Variants in USP28 observed in about 807,000 individuals in gnomAD.
USP28 encodes ubiquitin specific peptidase 28.
In USP28, 113 loss-of-function variants were observed where a neutral mutation model predicts 145.0. The ratio of observed to expected loss-of-function variants is 0.78; its 90% CI spans 0.67 to 0.91. The LOEUF (loss-of-function observed/expected upper bound fraction) is 0.91, where lower values mean the gene tolerates loss of function less well. Ranked by LOEUF, USP28 falls within the 40% of genes least tolerant of loss-of-function variation. USP28 has a pLI of 0.00. For missense variants in USP28, 1,201 were observed against 1,289.6 expected, an observed-to-expected ratio of 0.93 and a Z score of 1.05; for synonymous variants, 447 against 450.9, an observed-to-expected ratio of 0.99 and a Z score of 0.11.
At chr11:113,801,484 T>C in exon 24 of USP28, 1 of 1,574,062 alleles carries the variant, frequency 6.4e-7, no homozygotes, top group Non-Finnish European at 8.7e-7. Context: ...AGCATATACC[T>C]GCAATATCTT....
At chr11:113,799,408 C>T (rs533655324) in exon 25 of USP28, 3 of 1,612,558 alleles carry the variant, frequency 1.9e-6, no homozygotes, top group Non-Finnish European at 2.5e-6. Context: ...GGCACAGCTG[C>T]AGATTTTCTG....
chr11:113,832,419 T>C (rs746838784), intron 7 of USP28, among the ~76,000 whole-genome samples: 3 of 152,168 alleles, frequency 2.0e-5, no homozygotes, highest in Non-Finnish European at 4.4e-5. Context: ...TGAAAGCGTT[T>C]ATTTTTGGGG....
chr11:113,846,973 T>C (rs934340610), intron 3 of USP28, among the ~76,000 whole-genome samples: 5 of 152,168 alleles, frequency 3.3e-5, no homozygotes, highest in Non-Finnish European at 7.3e-5. Flanking sequence ...CCAGCCTGGG[T>C]GACAGAGCGA....
chr11:113,840,295 G>T (rs996984410), intron 5 of USP28, among the ~76,000 whole-genome samples: 11 of 151,560 alleles, frequency 7.3e-5, no homozygotes, highest in Admixed American at 2.0e-4. Flanking sequence ...TCGCCTACCT[G>T]GATAGCTATG....
rs528324122 is a variant in USP28 at position 113,848,435 on chromosome 11, C to A, written c.268+4066G>T. Reference sequence around the variant, plus strand: ...ACAGCCAAGAGTACTTTGGCTCAATCCCTTGCTGGGGACCCAAAGCCTTAT... The same window carrying A: ...ACAGCCAAGAGTACTTTGGCTCAATACCTTGCTGGGGACCCAAAGCCTTAT... On this transcript the variant is annotated intron_variant, in intron 3 of 24. Transcript: ENST00000003302. Among the ~76,000 whole-genome samples, 4 of 152,258 alleles carry A rather than the reference C, an allele frequency of 2.6e-5. No homozygotes were observed. The South Asian group carries it at 8.3e-4, about 32-fold the overall frequency.
chr11:113,871,092 G>A (rs1365087806), intron 1 of USP28, among the ~76,000 whole-genome samples: 10 of 152,242 alleles, frequency 6.6e-5, no homozygotes. Context: ...GCAGTGGTAT[G>A]CTGATTGGCA....
intron 17 of USP28, 29 bp from the exon 18 acceptor site, chr11:113,808,466 C>T (rs1197711805): frequency 6.2e-7 from 1 of 1,609,830 alleles, no homozygotes; most frequent in Non-Finnish European, 8.5e-7. Flanking sequence ...AAGGTCTTAG[C>T]ATCTAATGAT....
rs1362948011 is a variant in USP28, at chr11:113,875,382, C to T, written c.57+63G>A. ...CCCGCAACCCGCAGCCCTGCAGGCC[C>T]CGCACGCTCCCCTCAGGGCCTGGAG... On this transcript the variant is annotated intron_variant, in intron 1 of 24. Coordinates refer to ENST00000003302, the Ensembl canonical transcript of USP28. 4 of 1,164,108 alleles carry T rather than the reference C, an allele frequency of 3.4e-6. No homozygotes were observed. The African/African-American group carries it at 6.6e-5, about 19-fold the overall frequency. The allele number at this position is 1,164,108 out of a possible 1,614,324, so 72.1% of individuals were successfully genotyped here.
rs1939443356 is a variant in USP28 at position 113,803,671 on chromosome 11, A to G, written c.2738+127T>C. The G allele has an allele frequency of 5.7e-6, 4 of 705,236 alleles. No homozygotes were observed. In the East Asian group the frequency reaches 1.1e-4, roughly 19 times the overall value. The allele number at this position is 705,236 out of a possible 1,614,324, so 43.7% of individuals were successfully genotyped here. A position where few individuals can be genotyped will look rare whatever the true frequency, so the allele number is the denominator to read the frequency against. On this transcript the variant is annotated intron_variant, in intron 22 of 24. Transcript: ENST00000003302. ...GAGCAAAACCAAAGCACTGCAAGAG[A>G]AGAGGCACACTAGTGTATGTGACAA...
chr11:113,852,529 C>T (rs1168794285), exon 3 of USP28: 8 of 1,614,122 alleles, frequency 5.0e-6, no homozygotes, highest in Non-Finnish European at 1.7e-6. Flanking sequence ...TGGCAGCACT[C>T]CCCTCTACTT....
chr11:113,852,166 C>T (rs1052216915), intron 3 of USP28, among the ~76,000 whole-genome samples: 2 of 152,112 alleles, frequency 1.3e-5, no homozygotes, highest in Non-Finnish European at 2.9e-5. Flanking sequence ...GCAGCTGGGA[C>T]TACAGGTGCC....
chr11:113,858,146 G>A (rs1013422263), intron 1 of USP28, among the ~76,000 whole-genome samples: 1 of 152,132 alleles, frequency 6.6e-6, no homozygotes, highest in African/African-American at 2.4e-5. Context: ...GGTTACAGGC[G>A]TGAGCCACTG....
intron 1 of USP28, among the ~76,000 whole-genome samples, chr11:113,860,587 G>C (rs191265941): frequency 5.4e-4 from 81 of 151,304 alleles, no homozygotes; most frequent in African/African-American, 1.8e-3. Flanking sequence ...GAAGGCAGGC[G>C]GATCACAAGG....
chr11:113,837,586 C>T (rs913716953), intron 5 of USP28, among the ~76,000 whole-genome samples: 1 of 152,242 alleles, frequency 6.6e-6, no homozygotes, highest in East Asian at 1.9e-4. Context: ...AAATTGATCT[C>T]TTTCCTGGCT....
chr11:113,811,679 C>A (rs989167348), intron 16 of USP28, among the ~76,000 whole-genome samples: 1 of 150,432 alleles, frequency 6.6e-6, no homozygotes. Context: ...CAAAGCAAGA[C>A]TATGTCTCAA....
Position 113,823,651 on chromosome 11 carries a change from G to A in USP28, c.1237C>T (p.Arg413Ter), listed in dbSNP as rs1389829322. 6.2e-6 allele frequency: 10 copies of A among 1,611,252 alleles called. No homozygotes were observed. The highest frequency in any genetic ancestry group is 4.0e-5 in the African/African-American group (3 of 74,728). The change falls in exon 12 of 25, where the codon CGA becomes TGA. Residue 413 changes from arginine to a stop codon, truncating the protein, a stop_gained. Coordinates refer to ENST00000003302, the Ensembl canonical transcript of USP28. LOFTEE classifies it high-confidence loss of function. ...ATTTTTATTTCCTCCTTCAACTTTC[G>A]AATACACTCTCTCTTATTTCGAATA...
chr11:113,813,733 T>A (rs2135448667), intron 15 of USP28, 152 bp downstream of exon 15: 1 of 686,162 alleles, frequency 1.5e-6, no homozygotes, highest in Non-Finnish European at 2.5e-6. Context: ...TAGCCTAAAA[T>A]AAAGAAACAG....
chr11:113,856,573 G>A (rs946749721), intron 1 of USP28, among the ~76,000 whole-genome samples: 2 of 152,156 alleles, frequency 1.3e-5, no homozygotes, highest in African/African-American at 4.8e-5. Flanking sequence ...GGCACAGAGA[G>A]ATTAACTTTA....
intron 15 of USP28, 137 bp from the exon 16 acceptor site, chr11:113,812,641 T>C (rs1941181984): frequency 2.5e-6 from 2 of 787,258 alleles, no homozygotes; most frequent in Non-Finnish European, 4.0e-6. Context: ...CAAGATGAAG[T>C]CCACAAAAAC....
Sources: gnomAD v4.1 joint callset for allele counts (sites outside exome capture counted in the v4.1 genomes callset) on GRCh38, gnomAD v4.1.1 for gene constraint, MANE v1.5 for transcripts, NCBI Gene and HGNC (gene_info 2026-07-23, HGNC 2026-07-21) for gene names.